ERCC2: variants seen among roughly 807,000 people sequenced by gnomAD.
ERCC2 encodes ERCC excision repair 2, TFIIH core complex helicase subunit.
Under a neutral mutation model 99.4 loss-of-function variants are expected in ERCC2, and 90 were observed. The observed-to-expected ratio is 0.91, with a 90% CI of 0.76 to 1.08. ERCC2 has a LOEUF of 1.08. ERCC2 is among the 50% of genes least tolerant of loss of function. ERCC2 has a pLI of 0.00. For synonymous variants in ERCC2, 497 were observed against 432.4 expected (o/e 1.15, Z -1.85); for missense variants, 993 against 1,038.1 (o/e 0.96, Z 0.60).
chr19:45,351,183 A>C lies in ERCC2; in HGVS notation c.*446T>G. The C allele has an allele frequency of 1.9e-6, 3 of 1,585,492 alleles. No homozygotes were observed. The highest frequency in any genetic ancestry group is 2.7e-5 in the African/African-American group (2 of 74,616). On this transcript the variant is annotated 3_prime_UTR_variant, in exon 23 of 23. Coordinates refer to ENST00000391945, the MANE Select transcript of ERCC2 (RefSeq NM_000400.4). ...ATGGGTTTTACTTGGGGTAGAGGCG[A>C]GGGGGTTGGATAGTTGGCTGCCAGG...
chr19:45,368,163 T>C (rs960100958), intron 5 of ERCC2, among the ~76,000 whole-genome samples: 11 of 152,204 alleles, frequency 7.2e-5, no homozygotes, highest in Admixed American at 5.9e-4. Flanking sequence ...CGTGAACCAC[T>C]GCACCTGGCC....
At chr19:45,364,594 C>T (rs778118509) in intron 7 of ERCC2, 47 bp from the exon 8 acceptor site, 2 of 1,605,834 alleles carry the variant, frequency 1.2e-6, no homozygotes, top group African/African-American at 1.3e-5. Flanking sequence ...CACCCCAACC[C>T]CTACCCCTAC....
rs1972224717 is a variant in ERCC2, at chr19:45,361,658, G to A, written c.1119-16C>T. Reference sequence around the variant, plus strand: ...AGCACAGAATCTGGCGGGGAGGAGAGACGGGGTCGGGGGGCAGACGGAAGC... The same window carrying A: ...AGCACAGAATCTGGCGGGGAGGAGAAACGGGGTCGGGGGGCAGACGGAAGC... On this transcript the variant is annotated splice_polypyrimidine_tract_variant and intron_variant, in intron 11 of 22. Transcript: ENST00000391945. 1 of 1,582,566 alleles carries A rather than the reference G, an allele frequency of 6.3e-7. No homozygotes were observed. The highest frequency in any genetic ancestry group is 8.7e-7 in the Non-Finnish European group (1 of 1,151,908).
intron 17 of ERCC2, among the ~76,000 whole-genome samples, chr19:45,354,310 G>C (rs1285709045): frequency 6.6e-6 from 1 of 152,218 alleles, no homozygotes; most frequent in Non-Finnish European, 1.5e-5. Context: ...AGACCCTTGA[G>C]AGGCTCGCCC....
intron 13 of ERCC2, 26 bp from the exon 14 acceptor site, chr19:45,357,569 G>T (rs1318140799): frequency 3.7e-6 from 6 of 1,613,832 alleles, no homozygotes; most frequent in Non-Finnish European, 5.1e-6. Context: ...GGCAGTGAGG[G>T]CCCGGGGGGC....
intron 17 of ERCC2, 94 bp from the exon 18 acceptor site, chr19:45,353,428 C>G: frequency 1.2e-6 from 1 of 824,020 alleles, no homozygotes. Context: ...CACCATGTCT[C>G]TGGGCCTCAG....
Position 45,363,803 on chromosome 19 carries a change from C to T in ERCC2, c.1058G>A (p.Ser353Asn). 6.5e-7 allele frequency: 1 copy of T among 1,540,282 alleles called. No homozygotes were observed. The highest frequency in any genetic ancestry group is 8.7e-7 in the Non-Finnish European group (1 of 1,149,342). The stretch of plus-strand genomic sequence containing the variant: ...CAGGCCGCTCAGGAAGGCGGGCGGG[C>T]TCTCCTGCACCACATGCTGCACACG... Reference protein sequence around the residue: ...RLRVQHVVQESPPAFLSGLAQ... With the variant: ...RLRVQHVVQENPPAFLSGLAQ... Residue 353 changes from serine to asparagine, a missense_variant, in exon 11 of 23, where the codon AGC (serine) becomes AAC (asparagine). Transcript: ENST00000391945.
In ERCC2 at chr19:45,363,860, C is replaced by T. The variant is rs1364179043; in HGVS notation, c.1001G>A (p.Arg334Lys). ...RTAEHFLGFL[R>K]RLLEYVKWRL... ...CCACTTCACGTACTCCAGCAGCCGC[C>T]TCAGGAAGCCCAGGAAATGCTCGGC... The change falls in exon 11 of 23, where the codon AGG becomes AAG. Residue 334 changes from arginine to lysine, a missense_variant. Transcript: ENST00000391945. 6.4e-7 allele frequency: 1 copy of T among 1,552,036 alleles called. No individual in the cohort carries two copies. Among genetic ancestry groups the T allele is most frequent in the African/African-American group, 1.4e-5 (1 of 73,716 alleles).
intron 15 of ERCC2, 50 bp downstream of exon 15, chr19:45,357,220 C>T (rs1306192642): frequency 1.5e-6 from 2 of 1,377,186 alleles, no homozygotes; most frequent in Non-Finnish European, 2.0e-6. Flanking sequence ...GAGGGCGGCC[C>T]CTTGCCCCCA....
intron 5 of ERCC2, 89 bp from the exon 6 acceptor site, chr19:45,365,247 G>GAGGT: frequency 1.0e-6 from 1 of 977,430 alleles, no homozygotes; most frequent in Non-Finnish European, 1.6e-6. Context: ...AGCTGGCTGG[G>GAGGT]GTTTTGGACA....
Position 45,350,336 on chromosome 19 carries a change from CGCAGGCCTCA to C in ERCC2, c.*1283_*1292del. The stretch of plus-strand genomic sequence containing the variant: ...AAAAGTTCCCAGACACTCCCTTCTC[CGCAGGCCTCA>C]GCCTACCTGAAACAGAACAAGTATC... On this transcript the variant is annotated 3_prime_UTR_variant, in exon 23 of 23. Coordinates refer to ENST00000391945, the MANE Select transcript of ERCC2 (RefSeq NM_000400.4). The C allele has an allele frequency of 6.2e-7, 1 of 1,612,796 alleles. No individual in the cohort carries two copies. The highest frequency in any genetic ancestry group is 8.5e-7 in the Non-Finnish European group (1 of 1,179,642).
rs1475801122 is a variant in ERCC2 at position 45,351,389 on chromosome 19, T to TG, written c.*239dup. On this transcript the variant is annotated 3_prime_UTR_variant, in exon 23 of 23. Transcript: ENST00000391945. ...GTGAACTGCGCTGGCCGCAGCTTCT[T>TG]GGGAACAGTGCAGGAGGGATGGGCT... is the stretch of plus-strand genomic sequence containing the variant. 43 of 1,606,490 alleles carry TG rather than the reference T, an allele frequency of 2.7e-5. No homozygotes were observed. The highest frequency in any genetic ancestry group is 3.4e-5 in the Non-Finnish European group (40 of 1,179,852).
Position 45,361,553 on chromosome 19 carries a change from A to T in ERCC2, c.1208T>A (p.Phe403Tyr), listed in dbSNP as rs892115162. 6.2e-7 allele frequency: 1 copy of T among 1,613,730 alleles called. No homozygotes were observed. Among genetic ancestry groups the T allele is most frequent in the African/African-American group, 1.3e-5 (1 of 74,906 alleles). ...DFSPLTLLAN[F>Y]ATLVSTYAKG... ...GGCGTAGGTGCTGACAAGGGTGGCA[A>T]AGTTAGCAAGGAGGGTGAGCGGGGA... The change falls in exon 12 of 23, where the codon TTT (phenylalanine) becomes TAT (tyrosine). Residue 403 changes from phenylalanine (F) to tyrosine (Y), a missense_variant. Around this residue, in one of 3 missense-constraint regions of ERCC2, gnomAD observed 909 missense variants for 930.8 expected, o/e 0.98. Coordinates refer to ENST00000391945, the MANE Select transcript of ERCC2 (RefSeq NM_000400.4).
At chr19:45,355,110 A>C (rs572629202) in intron 16 of ERCC2, among the ~76,000 whole-genome samples, 27 of 152,322 alleles carry the variant, frequency 1.8e-4, no homozygotes, top group African/African-American at 6.3e-4. Flanking sequence ...TAATCCCAGC[A>C]CTTTGGGAGG....
chr19:45,361,044 T>C (rs1599738713), intron 12 of ERCC2, among the ~76,000 whole-genome samples: 1 of 151,890 alleles, frequency 6.6e-6, no homozygotes, highest in East Asian at 1.9e-4. Flanking sequence ...GGCAGGAGAA[T>C]TGCTTGAACC....
chr19:45,359,479 C>A (rs238409), intron 12 of ERCC2, among the ~76,000 whole-genome samples: 2,610 of 152,320 alleles, frequency 0.017, 73 homozygotes, highest in African/African-American at 0.059. Flanking sequence ...AGGAGGCAGA[C>A]TGAGCCCCTG....
intron 11 of ERCC2, 65 bp downstream of exon 11, chr19:45,363,675 TGGA>T (rs369129841): frequency 1.4e-6 from 2 of 1,472,288 alleles, no homozygotes; most frequent in African/African-American, 2.8e-5. Flanking sequence ...GCTACAGGCG[TGGA>T]GGACACGGCT....
chr19:45,364,290 G>C lies in ERCC2; in HGVS notation c.760C>G (p.Arg254Gly), dbSNP rs775864354. The C allele has an allele frequency of 3.7e-6, 6 of 1,614,028 alleles. No individual in the cohort carries two copies. Among genetic ancestry groups the C allele is most frequent in the South Asian group, 2.2e-5 (2 of 91,090 alleles). Residue 254 changes from arginine to glycine, a missense_variant, in exon 9 of 23, where the codon CGG becomes GGG. Around this residue, in one of 3 missense-constraint regions of ERCC2, gnomAD observed 909 missense variants for 930.8 expected, o/e 0.98. Coordinates refer to ENST00000391945, the MANE Select transcript of ERCC2 (RefSeq NM_000400.4). ...TTGCCCTGGCACCGGTCAAGGGTCC[G>C]GCGGGTGAGGTTGACGCTCATGGAG... ...IDSMSVNLTRRTLDRCQGNLE... is the reference protein window; with the variant it reads ...IDSMSVNLTRGTLDRCQGNLE...
At chr19:45,353,470 G>A (rs756612877) in intron 17 of ERCC2, 136 bp from the exon 18 acceptor site, 6 of 692,168 alleles carry the variant, frequency 8.7e-6, no homozygotes, top group Non-Finnish European at 1.6e-5. Flanking sequence ...GAGGGAGGGT[G>A]GAATTGTCCA....
Sources: allele counts gnomAD v4.1 joint callset (sites outside exome capture counted in the v4.1 genomes callset), GRCh38; gene constraint gnomAD v4.1.1; regional missense constraint gnomAD v4.1.1; transcripts MANE v1.5; gene names NCBI Gene and HGNC (gene_info 2026-07-23, HGNC 2026-07-21).